Variants in LRCH2 observed in about 807,000 individuals in gnomAD.
LRCH2 encodes the protein leucine-rich repeat and calponin homology domain-containing protein 2.
A neutral mutation model predicts 68.9 loss-of-function variants in LRCH2; 38 were observed. That is an observed-to-expected ratio of 0.55 (90% confidence interval 0.43 to 0.72). The LOEUF (loss-of-function observed/expected upper bound fraction) is 0.72, where lower values mean the gene tolerates loss of function less well. Ranked by LOEUF, LRCH2 falls within the 30% of genes least tolerant of loss-of-function variation. The pLI, the probability that LRCH2 is intolerant of heterozygous loss-of-function variation, is 0.00. For synonymous variants in LRCH2, 191 were observed against 208.1 expected, an observed-to-expected ratio of 0.92 and a Z score of 0.71; for missense variants, 528 against 572.9, an observed-to-expected ratio of 0.92 and a Z score of 0.80.
chrX:115,217,108 G>A (rs190674164), intron 1 of LRCH2, among the ~76,000 whole-genome samples: 139 of 111,672 alleles, frequency 1.2e-3, no homozygotes, highest in African/African-American at 4.0e-3. Context: ...GGGTTGAGGG[G>A]TGAGAAACTA....
chrX:115,218,471 C>T (rs914259484), intron 1 of LRCH2, among the ~76,000 whole-genome samples: 6 of 112,704 alleles, frequency 5.3e-5, no homozygotes, highest in South Asian at 3.6e-4. Context: ...TTCTGCATGG[C>T]AGATGGGAAA....
At chrX:115,166,212 TA>T (rs1556544899) in intron 7 of LRCH2, 42 bp downstream of exon 7, 9 of 990,588 alleles carry the variant, frequency 9.1e-6, no homozygotes. Context: ...AATGCTCTAA[TA>T]AAATTGTAAA....
chrX:115,151,272 C>T (rs1056857731), intron 12 of LRCH2, among the ~76,000 whole-genome samples: 2 of 110,517 alleles, frequency 1.8e-5, no homozygotes, highest in African/African-American at 6.6e-5. Flanking sequence ...AGTACAGGAC[C>T]ACGAGTATAA....
At chrX:115,210,595 C>T (rs868919422) in intron 1 of LRCH2, among the ~76,000 whole-genome samples, 8 of 111,956 alleles carry the variant, frequency 7.1e-5, no homozygotes, top group South Asian at 3.8e-4. Context: ...AGGCCCCACA[C>T]AAAGTCCCCA....
intron 17 of LRCH2, 108 bp downstream of exon 17, chrX:115,123,836 GA>G (rs2072163472): frequency 2.3e-6 from 1 of 428,341 alleles, no homozygotes; most frequent in Non-Finnish European, 3.8e-6. Context: ...GCTTTTAGGA[GA>G]GGGGAAAGAA....
intron 1 of LRCH2, chrX:115,191,087 G>A (rs1569515868): frequency 1.7e-6 from 2 of 1,166,297 alleles, no homozygotes; most frequent in Non-Finnish European, 2.3e-6. Flanking sequence ...CGCTATGGAG[G>A]AGAAGGCCGC....
At chrX:115,143,362 G>A (rs782159052) in intron 14 of LRCH2, among the ~76,000 whole-genome samples, 8 of 110,992 alleles carry the variant, frequency 7.2e-5, no homozygotes, top group South Asian at 3.8e-4. Context: ...ACTATGTGCC[G>A]ATAAATTGGA....
At chrX:115,192,271 G>A (rs1032225014) in intron 1 of LRCH2, 32 of 1,162,310 alleles carry the variant, frequency 2.8e-5, no homozygotes, top group East Asian at 9.9e-5. Flanking sequence ...CCACCGCTAC[G>A]GAGGAGGAGG....
At chrX:115,200,346 T>C (rs1234674311) in intron 1 of LRCH2, among the ~76,000 whole-genome samples, 4 of 91,311 alleles carry the variant, frequency 4.4e-5, no homozygotes, top group African/African-American at 1.7e-4. Flanking sequence ...AAACAAAGAG[T>C]TGATTCTTCA....
rs888940957 is a variant in LRCH2 at position 115,161,255 on chromosome X, G to A, written c.1463+2421C>T. ...GGTAATCCCAGCTACTTGGGAGGCC[G>A]AGGGATGAGAATGACTTGAACCCAG... On this transcript the variant is annotated intron_variant, in intron 11 of 20. Transcript: ENST00000317135. Among the ~76,000 whole-genome samples the A allele has an allele frequency of 3.6e-5, 4 of 111,044 alleles. No homozygotes were observed. The East Asian group carries it at 8.5e-4, about 24-fold the overall frequency.
chrX:115,124,903 T>C (rs1270302910), intron 16 of LRCH2, among the ~76,000 whole-genome samples: 1 of 111,637 alleles, frequency 9.0e-6, no homozygotes, highest in Non-Finnish European at 1.9e-5. Context: ...TTTACTCTTT[T>C]CCATTCACAC....
At chrX:115,224,025 C>T (rs781830906) in intron 1 of LRCH2, among the ~76,000 whole-genome samples, 41 of 110,254 alleles carry the variant, frequency 3.7e-4, no homozygotes, top group Admixed American at 5.8e-4. Context: ...GCTGAGAATG[C>T]AAAAAAAATT....
At position 115,118,922 on chromosome X, in the gene LRCH2, T is replaced by G. The variant is rs782101252; in HGVS notation, c.2178+3605A>C. 1.2e-4 allele frequency among the ~76,000 whole-genome samples: 13 copies of G among 111,492 alleles called. No individual in the cohort carries two copies. In the East Asian group the frequency reaches 1.4e-3, roughly 12 times the overall value. ...AACAGAACCAAAGACAAAAACCACA[T>G]GATTATCGCAATAGATGCAGAAAAG... On this transcript the variant is annotated intron_variant, in intron 20 of 20. Transcript: ENST00000317135.
chrX:115,174,578 TACACACAAACACACCCCCCCCCCCACAC>T (rs1486812478), intron 5 of LRCH2, among the ~76,000 whole-genome samples: 1 of 71,947 alleles, frequency 1.4e-5, no homozygotes, highest in African/African-American at 4.7e-5. Context: ...AATATTTCAT[TACACACAAACACACCCCCCCCCCCACAC>T]ACACACACAC....
At chrX:115,208,557 G>C (rs1461738088) in intron 1 of LRCH2, among the ~76,000 whole-genome samples, 2 of 111,359 alleles carry the variant, frequency 1.8e-5, no homozygotes, top group Non-Finnish European at 3.8e-5. Context: ...AAGGAGAGGA[G>C]TCAGATGGAA....
In LRCH2 at chrX:115,149,890, G is replaced by A. The variant is rs782602664; in HGVS notation, c.1632C>T (p.His544=). Residue 544 remains histidine (H), a synonymous_variant, in exon 14 of 21, where the codon CAC becomes CAT. Transcript: ENST00000317135. The stretch of plus-strand genomic sequence containing the variant: ...TTTCTTCACTCTGCCAGATTATAGG[G>A]TGAGATTCTGGCCACGGTTGTTCAT... The part of the protein sequence containing the change: ...QIDEQPWPES[H]PIIWQSEERR... 2.5e-6 allele frequency: 3 copies of A among 1,203,995 alleles called. No individual in the cohort carries two copies. In the Admixed American group the frequency reaches 6.6e-5, roughly 27 times the overall value.
At chrX:115,189,981 G>T (rs1405002043) in intron 1 of LRCH2, 2 of 1,163,591 alleles carry the variant, frequency 1.7e-6, no homozygotes, top group Non-Finnish European at 2.3e-6. Context: ...GAATGCGCGG[G>T]AAGGCACCGA....
chrX:115,166,897 C>G (rs2072564016), intron 6 of LRCH2, among the ~76,000 whole-genome samples: 1 of 110,279 alleles, frequency 9.1e-6, no homozygotes, highest in Admixed American at 9.8e-5. Context: ...GTATTTTTCA[C>G]TTAATTTGCA....
Position 115,111,611 on chromosome X carries a change from T to G in LRCH2, c.*1605A>C, listed in dbSNP as rs2072043879. The G allele has an allele frequency of 9.0e-6, 1 of 111,062 alleles. No individual in the cohort carries two copies. Among genetic ancestry groups the G allele is most frequent in the Admixed American group, 9.7e-5 (1 of 10,326 alleles). 9.2% of individuals were successfully genotyped at this position (111,062 alleles called of 1,213,427 possible). The stretch of plus-strand genomic sequence containing the variant: ...GAGGTCAAATATTTAAAATAATAAA[T>G]TACTAATAATTTAATTCTTAAACCA... On this transcript the variant is annotated 3_prime_UTR_variant, in exon 21 of 21. Transcript: ENST00000317135.
Sources: gnomAD v4.1 joint callset for allele counts (sites outside exome capture counted in the v4.1 genomes callset) on GRCh38, gnomAD v4.1.1 for gene constraint, MANE v1.5 for transcripts, NCBI Gene and HGNC (gene_info 2026-07-23, HGNC 2026-07-21) for gene names.